The following NEB variants were observed in gnomAD, a reference collection of about 807,000 sequenced individuals.
NEB encodes nebulin.
NEB carries 512 observed loss-of-function variants against 952.2 expected under a neutral mutation model. The ratio of observed to expected loss-of-function variants is 0.54; its 90% CI spans 0.50 to 0.58. The LOEUF is 0.58. Among genes scored for constraint, NEB ranks in the 20% least tolerant of loss-of-function variants. The pLI is 0.00. For synonymous variants in NEB, 2,900 were observed against 3,149.8 expected (o/e 0.92, Z 2.66); for missense variants, 8,428 against 9,231.1 (o/e 0.91, Z 3.56).
intron 54 of NEB, among the ~76,000 whole-genome samples, chr2:151,647,568 C>T (rs1055352994): frequency 6.6e-6 from 1 of 152,188 alleles, no homozygotes; most frequent in South Asian, 2.1e-4. Flanking sequence ...AGTAATAGAA[C>T]AAATTGATAT....
chr2:151,577,654 C>T (rs374689143), intron 105 of NEB, among the ~76,000 whole-genome samples: 17 of 152,360 alleles, frequency 1.1e-4, no homozygotes, highest in African/African-American at 3.8e-4. Flanking sequence ...TCTCGGCTCA[C>T]TGCAACCTCT....
chr2:151,540,560 T>C, intron 137 of NEB, 112 bp from the exon 138 acceptor site: 2 of 1,101,486 alleles, frequency 1.8e-6, no homozygotes, highest in Non-Finnish European at 2.7e-6. Flanking sequence ...TTTAAGAGAA[T>C]AGCTCTGCCT....
At chr2:151,506,691 A>G (rs1174193677) in intron 163 of NEB, among the ~76,000 whole-genome samples, 1 of 152,240 alleles carries the variant, frequency 6.6e-6, no homozygotes, top group African/African-American at 2.4e-5. Context: ...TAAAAAATTT[A>G]AAAATAAAAG....
chr2:151,550,773 G>GGACC (rs1553724766), intron 129 of NEB, among the ~76,000 whole-genome samples: 3 of 151,842 alleles, frequency 2.0e-5, no homozygotes, highest in Non-Finnish European at 4.4e-5. Context: ...CAAGTAGCTG[G>GGACC]GACCACAGGT....
intron 142 of NEB, chr2:151,534,438 A>C: frequency 1.3e-6 from 1 of 791,090 alleles, no homozygotes; most frequent in Non-Finnish European, 2.2e-6. Flanking sequence ...GGCTCCCAAC[A>C]TACCCAAGAC....
Position 151,563,848 on chromosome 2 carries a change from T to C in NEB, c.18554A>G (p.Lys6185Arg). Residue 6185 changes from lysine (K) to arginine (R), a missense_variant, in exon 118 of 182, where the codon AAG becomes AGG. By Grantham distance (26) the Lys-to-Arg change is conservative (BLOSUM62 2). Coordinates refer to ENST00000397345, the MANE Select transcript of NEB (RefSeq NM_001164508.2). Reference sequence around the variant, plus strand: ...CTCACTGTTCACCAGATCAGCATGCTTGGCTCCAACAATGGGAATGTAGCG... The same window carrying C: ...CTCACTGTTCACCAGATCAGCATGCCTGGCTCCAACAATGGGAATGTAGCG... ...DERYIPIVGAKHADLVNSELK... is the reference protein window; with the variant it reads ...DERYIPIVGARHADLVNSELK... 3.7e-6 allele frequency: 6 copies of C among 1,613,408 alleles called. No homozygotes were observed. Among genetic ancestry groups the C allele is most frequent in the Non-Finnish European group, 5.1e-6 (6 of 1,179,628 alleles).
rs2056759651 is a variant in NEB, at chr2:151,491,673, G to C, written c.25150+10C>G. On this transcript the variant is annotated intron_variant, in intron 179 of 181. Coordinates refer to ENST00000397345, the MANE Select transcript of NEB (RefSeq NM_001164508.2). ...ATGTTTATGTTGTAAGCCTTTTTCAGCTAACACACCATTAATCATGTGTAA... is the reference window on the plus strand; with the variant it reads ...ATGTTTATGTTGTAAGCCTTTTTCACCTAACACACCATTAATCATGTGTAA... The C allele has an allele frequency of 6.4e-7, 1 of 1,570,178 alleles. No homozygotes were observed.
chr2:151,556,173 T>TA (rs2095638396), intron 124 of NEB, among the ~76,000 whole-genome samples: 1 of 152,182 alleles, frequency 6.6e-6, no homozygotes, highest in Admixed American at 6.5e-5. Flanking sequence ...AATTAAATAA[T>TA]TCCATAGACT....
At chr2:151,555,993 C>G (rs2095628135) in intron 124 of NEB, among the ~76,000 whole-genome samples, 1 of 152,066 alleles carries the variant, frequency 6.6e-6, no homozygotes, top group Non-Finnish European at 1.5e-5. Flanking sequence ...TGCCAAGAAT[C>G]TTGCCTCTAT....
At chr2:151,681,493 G>T (rs1321551168) in intron 29 of NEB, among the ~76,000 whole-genome samples, 1 of 152,146 alleles carries the variant, frequency 6.6e-6, no homozygotes, top group African/African-American at 2.4e-5. Context: ...CTTCCTTTGT[G>T]CATGTTGTAC....
chr2:151,695,025 C>T (rs2099586068), intron 18 of NEB, among the ~76,000 whole-genome samples: 1 of 152,078 alleles, frequency 6.6e-6, no homozygotes, highest in Admixed American at 6.6e-5. Flanking sequence ...CTCAGTGATG[C>T]CAGATAATCT....
chr2:151,528,439 A>G (rs968920249), intron 146 of NEB, among the ~76,000 whole-genome samples: 3 of 152,188 alleles, frequency 2.0e-5, no homozygotes, highest in Admixed American at 2.0e-4. Flanking sequence ...CAAGAATATT[A>G]CAGAGAATAC....
rs759848500 is a variant in NEB at position 151,642,827 on chromosome 2, G to T, written c.8203C>A (p.His2735Asn). 6.2e-7 allele frequency: 1 copy of T among 1,612,746 alleles called. No individual in the cohort carries two copies. Among genetic ancestry groups the T allele is most frequent in the African/African-American group, 1.3e-5 (1 of 74,906 alleles). ...EAWDKDKTTV[H>N]IMPDTPEVLL... ...ACTTCAGGGGTATCTGGCATAATGTGGACAGTGGTTTTATCTTTATCCCAA... is the reference window on the plus strand; with the variant it reads ...ACTTCAGGGGTATCTGGCATAATGTTGACAGTGGTTTTATCTTTATCCCAA... The change falls in exon 59 of 182, where the codon CAC (histidine) becomes AAC (asparagine). Residue 2735 changes from histidine to asparagine, a missense_variant. Around this residue, in one of 11 missense-constraint regions of NEB, gnomAD observed 1,772 missense variants for 1,960.3 expected, o/e 0.90. Coordinates refer to ENST00000397345, the MANE Select transcript of NEB (RefSeq NM_001164508.2).
At chr2:151,712,636 G>A (rs929751670) in intron 10 of NEB, among the ~76,000 whole-genome samples, 1 of 152,152 alleles carries the variant, frequency 6.6e-6, no homozygotes, top group African/African-American at 2.4e-5. Flanking sequence ...GCTGGAGCTT[G>A]CTGGCTACTG....
At chr2:151,488,585 G>T (rs951154055) in intron 181 of NEB, among the ~76,000 whole-genome samples, 1 of 152,058 alleles carries the variant, frequency 6.6e-6, no homozygotes. Flanking sequence ...AGTCGAGACT[G>T]CAGCGAGCTG....
At position 151,538,168 on chromosome 2, in the gene NEB, T is replaced by C. The variant is rs1362968597; in HGVS notation, c.20969A>G (p.His6990Arg). The change falls in exon 139 of 182, where the codon CAT becomes CGT. Residue 6990 changes from histidine (H) to arginine (R), a missense_variant. Around this residue, in one of 11 missense-constraint regions of NEB, gnomAD observed 3,374 missense variants for 3,651.5 expected, o/e 0.92. Transcript: ENST00000397345. ...TVKDALDIVY[H>R]RKVTDDISKI... is the part of the protein sequence containing the mutation. ...ACTGATGTCATCTGTGACTTTGCGA[T>C]GATAGACAATGTCTAGGGCATCTTT... 6.2e-7 allele frequency: 1 copy of C among 1,612,316 alleles called. No homozygotes were observed. The highest frequency in any genetic ancestry group is 8.5e-7 in the Non-Finnish European group (1 of 1,178,590).
intron 128 of NEB, among the ~76,000 whole-genome samples, chr2:151,552,421 T>C (rs1482089295): frequency 1.3e-5 from 2 of 152,116 alleles, no homozygotes; most frequent in African/African-American, 4.8e-5. Context: ...AAAAAACACG[T>C]TGGAAGTGCT....
At chr2:151,531,752 C>G in intron 144 of NEB, 40 bp downstream of exon 144, 1 of 1,449,582 alleles carries the variant, frequency 6.9e-7, no homozygotes, top group South Asian at 1.2e-5. Context: ...TGCAGATGCC[C>G]CCTGAGTTTG....
At chr2:151,538,794 T>A (rs1054796556) in intron 138 of NEB, among the ~76,000 whole-genome samples, 1 of 152,182 alleles carries the variant, frequency 6.6e-6, no homozygotes, top group African/African-American at 2.4e-5. Flanking sequence ...AATCTTTATC[T>A]TTGTGATATT....
Sources: allele counts gnomAD v4.1 joint callset (sites outside exome capture counted in the v4.1 genomes callset), GRCh38; gene constraint gnomAD v4.1.1; regional missense constraint gnomAD v4.1.1; transcripts MANE v1.5; gene names NCBI Gene and HGNC (gene_info 2026-07-23, HGNC 2026-07-21).